NCAPD3: variants seen among roughly 807,000 people sequenced by gnomAD.
NCAPD3 encodes non-SMC condensin II complex subunit D3.
Under a neutral mutation model 182.9 loss-of-function variants are expected in NCAPD3, and 105 were observed. The observed-to-expected ratio is 0.57, with a 90% CI of 0.49 to 0.68. NCAPD3 has a LOEUF of 0.68. NCAPD3 is among the 30% of genes least tolerant of loss of function. The probability of loss-of-function intolerance (pLI) is 0.00; values close to 1 mark genes in which losing one functional copy is unlikely to be tolerated. For synonymous variants in NCAPD3, 815 were observed against 679.9 expected (o/e 1.20, Z -3.09); for missense variants, 1,944 against 1,837.0 (o/e 1.06, Z -1.07).
At chr11:134,187,574 T>A (rs1405996019) in intron 16 of NCAPD3, among the ~76,000 whole-genome samples, 1 of 152,206 alleles carries the variant, frequency 6.6e-6, no homozygotes. Context: ...ATTTCCTTTC[T>A]GGTAACCCTT....
At chr11:134,153,852 T>C in intron 32 of NCAPD3, 1 of 183,374 alleles carries the variant, frequency 5.5e-6, no homozygotes, top group Admixed American at 5.5e-5. Context: ...CCAAGTCCTG[T>C]CCCTTCTACC....
intron 2 of NCAPD3, 61 bp from the exon 3 acceptor site, chr11:134,217,159 A>G: frequency 7.0e-7 from 1 of 1,434,630 alleles, no homozygotes; most frequent in Non-Finnish European, 9.2e-7. Flanking sequence ...ATTTCCTATT[A>G]TTTGATTTTT....
intron 16 of NCAPD3, among the ~76,000 whole-genome samples, chr11:134,190,366 T>C (rs1944498233): frequency 6.6e-6 from 1 of 152,210 alleles, no homozygotes; most frequent in South Asian, 2.1e-4. Context: ...CTCATATCAT[T>C]GTTGTTACTG....
rs969566367 is a variant in NCAPD3 at position 134,220,874 on chromosome 11, TAAAAG to T, written c.65-153_65-149del. On this transcript the variant is annotated intron_variant, in intron 1 of 34. Transcript: ENST00000534548. ...TTTTAATAACATAGGTGTAGCATAA[TAAAAG>T]AAAACCAGAAAAGGTTAAGAGAATC... 100 of 670,046 alleles carry T rather than the reference TAAAAG, an allele frequency of 1.5e-4. No homozygotes were observed. In the East Asian group the frequency reaches 2.3e-3, roughly 16 times the overall value. 41.5% of individuals were successfully genotyped at this position (670,046 alleles called of 1,614,324 possible). A position where few individuals can be genotyped will look rare whatever the true frequency, so the allele number is the denominator to read the frequency against.
intron 1 of NCAPD3, chr11:134,223,585 C>A (rs1180878767): frequency 3.0e-6 from 2 of 677,312 alleles, no homozygotes; most frequent in Non-Finnish European, 2.7e-6. Context: ...AAGACACGCA[C>A]AGGAAGAAGG....
At chr11:134,173,988 AC>A (rs1218540486) in intron 24 of NCAPD3, among the ~76,000 whole-genome samples, 30 of 152,094 alleles carry the variant, frequency 2.0e-4, no homozygotes, top group African/African-American at 7.0e-4. Flanking sequence ...AAACAAAAAA[AC>A]AAAACAAAAA....
At chr11:134,191,162 T>C (rs1173635609) in intron 16 of NCAPD3, among the ~76,000 whole-genome samples, 4 of 152,212 alleles carry the variant, frequency 2.6e-5, no homozygotes, top group Non-Finnish European at 5.9e-5. Context: ...ATCCACAACC[T>C]GATTCCAGGT....
chr11:134,183,915 A>T (rs755371504), intron 19 of NCAPD3, among the ~76,000 whole-genome samples: 8 of 152,202 alleles, frequency 5.3e-5, no homozygotes, highest in Non-Finnish European at 1.2e-4. Flanking sequence ...ATATCCCAGC[A>T]ATTATTTAAT....
intron 3 of NCAPD3, among the ~76,000 whole-genome samples, chr11:134,211,064 T>C (rs1937816355): frequency 1.3e-5 from 2 of 152,144 alleles, no homozygotes; most frequent in Admixed American, 6.5e-5. Context: ...AGAAGATGAA[T>C]TATTTTCACA....
intron 3 of NCAPD3, among the ~76,000 whole-genome samples, chr11:134,213,106 T>C (rs929742077): frequency 2.6e-5 from 4 of 152,158 alleles, no homozygotes; most frequent in Admixed American, 2.6e-4. Flanking sequence ...AGCAGGAGGA[T>C]CACTTGAGGC....
intron 7 of NCAPD3, among the ~76,000 whole-genome samples, chr11:134,207,588 CAA>C (rs1937652012): frequency 6.6e-6 from 1 of 151,666 alleles, no homozygotes. Context: ...TCTAAAAATA[CAA>C]AAATTAGCTG....
At chr11:134,218,071 C>T (rs1251970025) in intron 2 of NCAPD3, among the ~76,000 whole-genome samples, 2 of 135,568 alleles carry the variant, frequency 1.5e-5, no homozygotes, top group African/African-American at 5.7e-5. Context: ...GCATTCCAGC[C>T]TGGGTGACAG....
Position 134,194,828 on chromosome 11 carries a change from C to T in NCAPD3, c.1616-90G>A, listed in dbSNP as rs1048209812. On this transcript the variant is annotated intron_variant, in intron 13 of 34. Transcript: ENST00000534548. ...CCACACAATACCCAGAAAATACACT[C>T]ATCTTAAAGACTCATTAGCTTGTTT... The T allele has an allele frequency of 8.8e-6, 7 of 797,314 alleles. No homozygotes were observed. In the African/African-American group the frequency reaches 1.2e-4, roughly 14 times the overall value. The allele number at this position is 797,314 out of a possible 1,614,324, so 49.4% of individuals were successfully genotyped here. A position where few individuals can be genotyped will look rare whatever the true frequency, so the allele number is the denominator to read the frequency against.
At chr11:134,169,963 T>C (rs771781971) in intron 24 of NCAPD3, among the ~76,000 whole-genome samples, 3 of 152,218 alleles carry the variant, frequency 2.0e-5, no homozygotes, top group Non-Finnish European at 4.4e-5. Flanking sequence ...AGAGGAGCAG[T>C]GTCAAAGACT....
intron 13 of NCAPD3, among the ~76,000 whole-genome samples, chr11:134,199,838 C>T (rs996732549): frequency 3.3e-5 from 5 of 152,226 alleles, no homozygotes; most frequent in African/African-American, 1.2e-4. Flanking sequence ...TACGCTAGAA[C>T]GCAACGGCAA....
intron 27 of NCAPD3, among the ~76,000 whole-genome samples, chr11:134,165,715 G>C (rs1314632488): frequency 8.4e-6 from 1 of 118,898 alleles, no homozygotes; most frequent in Admixed American, 8.6e-5. Flanking sequence ...GCGCACACTC[G>C]TGAGATGAGC....
intron 1 of NCAPD3, among the ~76,000 whole-genome samples, chr11:134,222,492 T>C (rs1380002895): frequency 1.3e-5 from 2 of 152,184 alleles, no homozygotes; most frequent in Middle Eastern, 3.2e-3. Context: ...TACACATAAT[T>C]AGTCTCTCCT....
intron 23 of NCAPD3, among the ~76,000 whole-genome samples, chr11:134,176,705 G>A (rs1450430586): frequency 6.6e-6 from 1 of 152,194 alleles, no homozygotes; most frequent in Non-Finnish European, 1.5e-5. Context: ...CTAAGTGAAA[G>A]GTGTTCTCCC....
intron 32 of NCAPD3, among the ~76,000 whole-genome samples, chr11:134,155,453 C>T (rs975751455): frequency 6.6e-6 from 1 of 152,164 alleles, no homozygotes; most frequent in African/African-American, 2.4e-5. Flanking sequence ...ACTGCATCAG[C>T]AGGAATATTA....
Sources: allele counts gnomAD v4.1 joint callset (sites outside exome capture counted in the v4.1 genomes callset), GRCh38; gene constraint gnomAD v4.1.1; transcripts MANE v1.5; gene names NCBI Gene and HGNC (gene_info 2026-07-23, HGNC 2026-07-21).